NLRP5: variants seen among roughly 807,000 people sequenced by gnomAD.
NLRP5 encodes NLR family pyrin domain containing 5.
Under a neutral mutation model 113.1 loss-of-function variants are expected in NLRP5, and 93 were observed. The observed-to-expected ratio is 0.82, with a 90% confidence interval of 0.70 to 0.98. NLRP5 has a LOEUF of 0.98. NLRP5 is among the 50% of genes least tolerant of loss of function. The pLI, the probability that NLRP5 is intolerant of heterozygous loss-of-function variation, is 0.00. For synonymous variants in NLRP5, 751 were observed against 600.7 expected (o/e 1.25, Z -3.66); for missense variants, 1,808 against 1,514.3 (o/e 1.19, Z -3.22).
At chr19:56,015,894 C>A in intron 4 of NLRP5, 96 bp downstream of exon 4, 1 of 865,732 alleles carries the variant, frequency 1.2e-6, no homozygotes, top group Non-Finnish European at 1.7e-6. Flanking sequence ...TCCACTTTCC[C>A]TTTCTTCATC....
intron 4 of NLRP5, 145 bp from the exon 5 acceptor site, chr19:56,019,197 C>G (rs1982522146): frequency 3.5e-6 from 3 of 866,142 alleles, no homozygotes; most frequent in Non-Finnish European, 5.5e-6. Context: ...CCAGTGCACT[C>G]TGTCTTCTAG....
intron 11 of NLRP5, among the ~76,000 whole-genome samples, chr19:56,049,955 T>G (rs1039989440): frequency 4.6e-5 from 7 of 152,080 alleles, no homozygotes; most frequent in African/African-American, 1.7e-4. Context: ...TTCTGCCTCC[T>G]TCTCATTTGG....
intron 2 of NLRP5, among the ~76,000 whole-genome samples, chr19:56,004,830 T>A (rs1971515): frequency 6.6e-6 from 1 of 151,872 alleles, no homozygotes. Flanking sequence ...CAGTGACTCA[T>A]GGCTGTGATC....
chr19:56,042,876 C>A (rs930922535), intron 11 of NLRP5, among the ~76,000 whole-genome samples: 1 of 152,204 alleles, frequency 6.6e-6, no homozygotes. Flanking sequence ...TGAGTTACTT[C>A]ACTTAGAATA....
intron 3 of NLRP5, among the ~76,000 whole-genome samples, chr19:56,009,666 A>G (rs184298411): frequency 1.3e-5 from 2 of 152,296 alleles, no homozygotes; most frequent in African/African-American, 4.8e-5. Flanking sequence ...AAGGGAAGGC[A>G]AAACACACAG....
chr19:56,025,386 TTCTCTCTC>T (rs3055366), intron 6 of NLRP5, among the ~76,000 whole-genome samples: 4 of 146,482 alleles, frequency 2.7e-5, no homozygotes, highest in Admixed American at 2.0e-4. Flanking sequence ...ACGTGCTCCG[TTCTCTCTC>T]TCTCTCTCTC....
At chr19:56,021,486 C>T (rs1196606969) in intron 6 of NLRP5, among the ~76,000 whole-genome samples, 1 of 152,142 alleles carries the variant, frequency 6.6e-6, no homozygotes, top group Non-Finnish European at 1.5e-5. Context: ...CACCAGTTTC[C>T]TCTCCCTCAA....
At chr19:56,024,169 T>G (rs1377802692) in intron 6 of NLRP5, among the ~76,000 whole-genome samples, 1 of 151,796 alleles carries the variant, frequency 6.6e-6, no homozygotes, top group Admixed American at 6.6e-5. Flanking sequence ...TTTTTCACAT[T>G]TTCAGGCCCT....
chr19:56,004,192 C>G, intron 2 of NLRP5, 97 bp downstream of exon 2: 1 of 1,301,286 alleles, frequency 7.7e-7, no homozygotes. Flanking sequence ...ACCGGCTCCA[C>G]CTCTGCAGTG....
At position 56,043,542 on chromosome 19, in the gene NLRP5, C is replaced by CTTTTTTTTTT. The variant is rs369622191; in HGVS notation, c.2957+2482_2957+2491dup. Among the ~76,000 whole-genome samples the CTTTTTTTTTT allele has an allele frequency of 9.1e-4, 85 of 92,916 alleles. 14 individuals carry two copies. The highest frequency in any genetic ancestry group is 1.1e-3 in the Non-Finnish European group (53 of 48,948). 61.0% of individuals were successfully genotyped at this position (92,916 alleles called of 152,430 possible). ...TGGATTGTCTGTTTACTCTGCTATT[C>CTTTTTTTTTT]TTTTTTTTTTTTTTTTTTTTTTTTT... On this transcript the variant is annotated intron_variant, in intron 11 of 14. Transcript: ENST00000390649.
chr19:56,013,731 G>A (rs1227907311), intron 3 of NLRP5, among the ~76,000 whole-genome samples: 1 of 151,092 alleles, frequency 6.6e-6, no homozygotes, highest in Non-Finnish European at 1.5e-5. Context: ...TGGCAACTGT[G>A]TTTAACTTTT....
chr19:56,003,031 T>C (rs1047973731), intron 1 of NLRP5, among the ~76,000 whole-genome samples: 4 of 150,262 alleles, frequency 2.7e-5, no homozygotes, highest in Non-Finnish European at 5.9e-5. Flanking sequence ...GTTCAGCCAT[T>C]GTGGAAGTCA....
In NLRP5 at chr19:56,060,273, C is replaced by T. The variant is rs575268061; in HGVS notation, c.3471-1123C>T. On this transcript the variant is annotated intron_variant, in intron 14 of 14. Coordinates refer to ENST00000390649, the MANE Select transcript of NLRP5 (RefSeq NM_153447.4). ...CCCCATCTGTGAAATGGGGGCGGTG[C>T]TATGTATCTATTTAAATATGTTTAT... 2.6e-5 allele frequency among the ~76,000 whole-genome samples: 4 copies of T among 151,974 alleles called. No individual in the cohort carries two copies. In the East Asian group the frequency reaches 5.8e-4, roughly 22 times the overall value.
rs563610874 is a variant in NLRP5, at chr19:56,002,633, A to C, written c.63-1083A>C. ...CTCCCCCCTCCCCCAACCCCACAAC[A>C]GTCCCTGGTGTGTGATGTTCCCCTT... On this transcript the variant is annotated intron_variant, in intron 1 of 14. Coordinates refer to ENST00000390649, the MANE Select transcript of NLRP5 (RefSeq NM_153447.4). Among the ~76,000 whole-genome samples the C allele has an allele frequency of 1.3e-4, 19 of 145,774 alleles. No individual in the cohort carries two copies. In the South Asian group the frequency reaches 4.3e-3, roughly 33 times the overall value.
intron 6 of NLRP5, among the ~76,000 whole-genome samples, chr19:56,021,688 A>G (rs1312710640): frequency 1.3e-5 from 2 of 152,180 alleles, no homozygotes; most frequent in Non-Finnish European, 2.9e-5. Flanking sequence ...CATTGTATGG[A>G]AAGACCCCAT....
rs1455977602 is a variant in NLRP5 at position 56,019,293 on chromosome 19, G to C, written c.566-49G>C. ...TATCTTGGGGGTGTCTGACATCTCT[G>C]ACTCAAATAATAAACACAAGTATGT... On this transcript the variant is annotated intron_variant, in intron 4 of 14. Coordinates refer to ENST00000390649, the MANE Select transcript of NLRP5 (RefSeq NM_153447.4). 5.6e-6 allele frequency: 9 copies of C among 1,606,176 alleles called. No individual in the cohort carries two copies. In the African/African-American group the frequency reaches 8.0e-5, roughly 14 times the overall value.
intron 1 of NLRP5, among the ~76,000 whole-genome samples, chr19:56,002,615 C>T (rs1025956783): frequency 2.7e-5 from 4 of 149,646 alleles, no homozygotes; most frequent in African/African-American, 1.0e-4. Flanking sequence ...TCGCTCCCCC[C>T]TCCCCCAACC....
chr19:56,021,254 GGAT>G (rs1982606589), intron 6 of NLRP5, among the ~76,000 whole-genome samples: 1 of 152,136 alleles, frequency 6.6e-6, no homozygotes, highest in African/African-American at 2.4e-5. Flanking sequence ...TAACTTTGCA[GGAT>G]GATGATTAAA....
At chr19:55,992,019 T>C in the NLRP5 span, among the ~76,000 whole-genome samples, 1 of 148,514 alleles carries the variant, frequency 6.7e-6, no homozygotes. Flanking sequence ...CTCACCCTCC[T>C]CCCACCCTCC....
Sources: gnomAD v4.1 joint callset for allele counts (sites outside exome capture counted in the v4.1 genomes callset) on GRCh38, gnomAD v4.1.1 for gene constraint, MANE v1.5 for transcripts, NCBI Gene and HGNC (gene_info 2026-07-23, HGNC 2026-07-21) for gene names.